Variants in MRPS6 observed in about 807,000 individuals in gnomAD.
MRPS6 encodes the protein small ribosomal subunit protein bS6m.
Under a neutral mutation model 13.1 loss-of-function variants are expected in MRPS6, and 6 were observed. That is an observed-to-expected ratio of 0.46 (90% CI 0.25 to 0.91). The LOEUF (loss-of-function observed/expected upper bound fraction) is 0.91. Among genes scored for constraint, MRPS6 ranks in the 40% least tolerant of loss-of-function variants. The pLI is 0.18. For synonymous variants in MRPS6, 61 were observed against 56.5 expected (o/e 1.08, Z -0.36); for missense variants, 164 against 155.6 (o/e 1.05, Z -0.29).
At chr21:34,129,025 G>T (rs954205418) in intron 2 of MRPS6, among the ~76,000 whole-genome samples, 1 of 152,164 alleles carries the variant, frequency 6.6e-6, no homozygotes, top group Admixed American at 6.5e-5. Flanking sequence ...GTGTCTGCAC[G>T]TGCTCACCCT....
At chr21:34,105,995 T>A (rs907738023) in intron 1 of MRPS6, 6 of 995,142 alleles carry the variant, frequency 6.0e-6, no homozygotes, top group Non-Finnish European at 7.3e-6. Context: ...AAAGTGTTAT[T>A]GTTTAAAAAA....
At chr21:34,126,703 C>T (rs983431979) in intron 2 of MRPS6, among the ~76,000 whole-genome samples, 2 of 152,086 alleles carry the variant, frequency 1.3e-5, no homozygotes, top group Non-Finnish European at 2.9e-5. Context: ...AAAAACTGTC[C>T]GAGAGTCATT....
chr21:34,124,022 ATC>A (rs1980214858), intron 1 of MRPS6: 1 of 151,970 alleles, frequency 6.6e-6, no homozygotes. Flanking sequence ...TCTGCTGGTG[ATC>A]TCCTTTCCTC....
At chr21:34,127,246 A>T (rs1980342123) in intron 2 of MRPS6, among the ~76,000 whole-genome samples, 1 of 152,204 alleles carries the variant, frequency 6.6e-6, no homozygotes, top group South Asian at 2.1e-4. Context: ...GCCCAGCTGC[A>T]GTGGGGGAGG....
intron 1 of MRPS6, among the ~76,000 whole-genome samples, chr21:34,078,768 G>GCATTTGAT (rs1989391865): frequency 6.6e-6 from 1 of 152,202 alleles, no homozygotes; most frequent in Non-Finnish European, 1.5e-5. Flanking sequence ...GAAGGGTAGA[G>GCATTTGAT]AACAAATGAT....
intron 1 of MRPS6, among the ~76,000 whole-genome samples, chr21:34,074,910 G>A (rs953795542): frequency 2.0e-5 from 3 of 152,158 alleles, no homozygotes; most frequent in Non-Finnish European, 4.4e-5. Flanking sequence ...TTGTTAACTG[G>A]GAAGGGACGC....
At chr21:34,101,064 A>G in intron 1 of MRPS6, 2 of 1,000,180 alleles carry the variant, frequency 2.0e-6, no homozygotes, top group Non-Finnish European at 2.4e-6. Context: ...AGAGATGTAT[A>G]CAAGACCTTT....
At chr21:34,086,975 C>T (rs966297002) in intron 1 of MRPS6, among the ~76,000 whole-genome samples, 6 of 152,268 alleles carry the variant, frequency 3.9e-5, no homozygotes, top group African/African-American at 1.4e-4. Flanking sequence ...AAGGTCTGCA[C>T]ATATCACTGC....
intron 1 of MRPS6, among the ~76,000 whole-genome samples, chr21:34,074,464 G>A (rs1355698562): frequency 7.9e-5 from 12 of 152,206 alleles, no homozygotes; most frequent in Non-Finnish European, 1.8e-4. Flanking sequence ...CCCTGCTTTT[G>A]ATTGATCTTG....
At position 34,123,988 on chromosome 21, in the gene MRPS6, C is replaced by T. The variant is rs547366246; in HGVS notation, c.46-1353C>T. On this transcript the variant is annotated intron_variant, in intron 1 of 2. Transcript: ENST00000399312. Reference sequence around the variant, plus strand: ...TGACTTTGAGTCCTCTTGTTAGCCCCTAAATGTTTGTACTCCCCAAGGTTC... The same window carrying T: ...TGACTTTGAGTCCTCTTGTTAGCCCTTAAATGTTTGTACTCCCCAAGGTTC... 28 of 152,350 alleles carry T rather than the reference C, an allele frequency of 1.8e-4. 1 individual carries two copies. The highest frequency in any genetic ancestry group is 1.8e-3 in the Admixed American group (28 of 15,294). 9.4% of individuals were successfully genotyped at this position (152,350 alleles called of 1,614,324 possible). A position where few individuals can be genotyped will look rare whatever the true frequency, so the allele number is the denominator to read the frequency against.
chr21:34,117,920 A>G (rs1979983383), intron 1 of MRPS6, among the ~76,000 whole-genome samples: 1 of 152,194 alleles, frequency 6.6e-6, no homozygotes, highest in Non-Finnish European at 1.5e-5. Context: ...TATAAATACC[A>G]TATTCACGAG....
chr21:34,092,416 G>A (rs778638030), intron 1 of MRPS6, among the ~76,000 whole-genome samples: 32 of 152,096 alleles, frequency 2.1e-4, no homozygotes, highest in African/African-American at 3.9e-4. Context: ...GGAACTGTCC[G>A]CAGTGGCTTT....
Position 34,073,843 on chromosome 21 carries a change from C to T in MRPS6, c.45+98C>T, listed in dbSNP as rs1038687627. On this transcript the variant is annotated intron_variant, in intron 1 of 2. Coordinates refer to ENST00000399312, the MANE Select transcript of MRPS6 (RefSeq NM_032476.4). ...GCGCCCTGGCCGCGGGACCCCGGGC[C>T]TTCCTGCACTCCTCGGAGGAGGCCG... is the stretch of plus-strand genomic sequence containing the variant. The T allele has an allele frequency of 1.3e-5, 10 of 785,414 alleles. No homozygotes were observed. In the Admixed American group the frequency reaches 2.0e-4, roughly 16 times the overall value. 48.7% of individuals were successfully genotyped at this position (785,414 alleles called of 1,614,324 possible).
intron 1 of MRPS6, chr21:34,100,986 A>T (rs764271586): frequency 3.0e-6 from 3 of 999,518 alleles, no homozygotes; most frequent in African/African-American, 1.7e-5. Flanking sequence ...CATCAGAGGC[A>T]TGATGACTGG....
At chr21:34,099,720 T>C (rs752109754) in intron 1 of MRPS6, 13 of 998,234 alleles carry the variant, frequency 1.3e-5, no homozygotes, top group Non-Finnish European at 1.6e-5. Flanking sequence ...ATCTTGTGTC[T>C]GTGTGTATAT....
At chr21:34,085,440 T>C (rs1978329205) in intron 1 of MRPS6, among the ~76,000 whole-genome samples, 1 of 152,190 alleles carries the variant, frequency 6.6e-6, no homozygotes, top group African/African-American at 2.4e-5. Flanking sequence ...TATTAAGTGA[T>C]CTATGGAATA....
intron 2 of MRPS6, among the ~76,000 whole-genome samples, chr21:34,131,852 A>G (rs1980512200): frequency 6.6e-6 from 1 of 152,220 alleles, no homozygotes; most frequent in African/African-American, 2.4e-5. Flanking sequence ...GTTTCTGCTC[A>G]TGCAGCAGCT....
At position 34,102,032 on chromosome 21, in the gene MRPS6, C is replaced by T. The variant is rs748330852; in HGVS notation, c.46-23309C>T. ...ATAGAGGAACCCTTTTGTACTGGAA[C>T]GTATGAGGCTGGATTGTGAAAAGGT... is the stretch of plus-strand genomic sequence containing the variant. On this transcript the variant is annotated intron_variant, in intron 1 of 2. Coordinates refer to ENST00000399312, the MANE Select transcript of MRPS6 (RefSeq NM_032476.4). The T allele has an allele frequency of 2.8e-5, 28 of 999,870 alleles. No homozygotes were observed. In the Middle Eastern group the frequency reaches 1.5e-3, roughly 55 times the overall value. 61.9% of individuals were successfully genotyped at this position (999,870 alleles called of 1,614,324 possible).
At chr21:34,099,020 A>G (rs1041438416) in intron 1 of MRPS6, 2 of 991,632 alleles carry the variant, frequency 2.0e-6, no homozygotes, top group Non-Finnish European at 1.2e-6. Flanking sequence ...TAGTCTATAA[A>G]CTAGTTTCAT....
Sources: gnomAD v4.1 joint callset for allele counts (sites outside exome capture counted in the v4.1 genomes callset) on GRCh38, gnomAD v4.1.1 for gene constraint, MANE v1.5 for transcripts, NCBI Gene and HGNC (gene_info 2026-07-23, HGNC 2026-07-21) for gene names.